ELP2: variants seen among roughly 807,000 people sequenced by gnomAD.
ELP2 encodes elongator acetyltransferase complex subunit 2, also known as elongator complex protein 2.
In ELP2, 90 loss-of-function variants were observed where a neutral mutation model predicts 119.2. The observed-to-expected ratio is 0.75, with a 90% CI of 0.64 to 0.90. The LOEUF is 0.90. Ranked by LOEUF, ELP2 falls within the 40% of genes least tolerant of loss-of-function variation. The pLI, the probability that ELP2 is intolerant of heterozygous loss-of-function variation, is 0.00. For missense variants in ELP2, 921 were observed against 967.8 expected, an observed-to-expected ratio of 0.95 and a Z score of 0.64; for synonymous variants, 339 against 331.0, an observed-to-expected ratio of 1.02 and a Z score of -0.26.
At chr18:36,164,930 TA>T (rs1055739141) in intron 18 of ELP2, 1 of 463,070 alleles carries the variant, frequency 2.2e-6, no homozygotes, top group African/African-American at 2.0e-5. Context: ...TCAAGAAACA[TA>T]AACATCTGTA....
At chr18:36,173,072 T>A (rs2144837181) in intron 21 of ELP2, among the ~76,000 whole-genome samples, 1 of 152,248 alleles carries the variant, frequency 6.6e-6, no homozygotes, top group East Asian at 1.9e-4. Context: ...TAAAGGACAT[T>A]ACCAAAAAAA....
In ELP2 at chr18:36,154,964, C is replaced by T. The variant is rs368853783; in HGVS notation, c.1240C>T (p.Leu414Phe). ...ITVGTDQTTRLFAPWKRKDQS... is the reference protein window; with the variant it reads ...ITVGTDQTTRFFAPWKRKDQS... ...TGTTGGTACTGATCAGACAACTAGA[C>T]TTTTTGCTCCATGGAAGAGAAAAGA... The change falls in exon 12 of 22, where the codon CTT becomes TTT. Residue 414 changes from leucine to phenylalanine, a missense_variant. Coordinates refer to ENST00000358232, the MANE Select transcript of ELP2 (RefSeq NM_018255.4). 1 of 1,613,956 alleles carries T rather than the reference C, an allele frequency of 6.2e-7. No individual in the cohort carries two copies.
At position 36,175,519 on chromosome 18, in the gene ELP2, C is replaced by T. The variant is rs1254759957; in HGVS notation, c.*878C>T. The T allele has an allele frequency of 1.3e-5, 2 of 152,128 alleles. No individual in the cohort carries two copies. The highest frequency in any genetic ancestry group is 4.8e-5 in the African/African-American group (2 of 41,420). The allele number at this position is 152,128 out of a possible 1,614,324, so 9.4% of individuals were successfully genotyped here. A position where few individuals can be genotyped will look rare whatever the true frequency, so the allele number is the denominator to read the frequency against. On this transcript the variant is annotated 3_prime_UTR_variant, in exon 22 of 22. Transcript: ENST00000358232. ...AGGGCTTTACTGAAAGTAAAATATC[C>T]TGACATTTAAACTGACAGATGTAGG...
intron 18 of ELP2, 57 bp downstream of exon 18, chr18:36,164,724 T>G (rs1436282781): frequency 1.3e-6 from 2 of 1,513,080 alleles, no homozygotes; most frequent in East Asian, 4.6e-5. Context: ...TCATTTTATC[T>G]ACATTAAGCA....
intron 21 of ELP2, 66 bp downstream of exon 21, chr18:36,171,226 T>C: frequency 9.3e-7 from 1 of 1,076,666 alleles, no homozygotes; most frequent in Admixed American, 1.8e-5. Context: ...CATGGCAAAT[T>C]TTATGCCACA....
In ELP2 at chr18:36,129,991, G is replaced by T. The variant is rs1459931442; in HGVS notation, c.58G>T (p.Gly20Ter). The stretch of plus-strand genomic sequence containing the variant: ...GTTTTGCTGCCCAAACCGGGTGCGG[G>T]GAGTCCTGAACTGGAGCTCTGGGCC... Reference protein sequence around the residue: ...HVFCCPNRVRGVLNWSSGPRG... With the variant: ...HVFCCPNRVR The change falls in exon 1 of 22, where the codon GGA becomes TGA. Residue 20 changes from glycine (G) to a stop codon, truncating the protein, a stop_gained. Transcript: ENST00000358232. LOFTEE classifies it high-confidence loss of function. 2 of 1,614,092 alleles carry T rather than the reference G, an allele frequency of 1.2e-6. No individual in the cohort carries two copies. Among genetic ancestry groups the T allele is most frequent in the African/African-American group, 1.3e-5 (1 of 74,928 alleles).
In ELP2 at chr18:36,166,328, T is replaced by TG. The variant is rs1568022343; in HGVS notation, c.1955-773_1955-772insG. The stretch of plus-strand genomic sequence containing the variant: ...GTTTTTGTTTTTTAGGGTTTTTTTT[T>TG]TTTTTTTTTTTTTTTTTTTCAGACG... On this transcript the variant is annotated intron_variant, in intron 18 of 21. Coordinates refer to ENST00000358232, the MANE Select transcript of ELP2 (RefSeq NM_018255.4). Among the ~76,000 whole-genome samples, 243 of 111,018 alleles carry TG rather than the reference T, an allele frequency of 2.2e-3. 11 individuals are homozygous for TG. Among genetic ancestry groups the TG allele is most frequent in the South Asian group, 8.7e-3 (25 of 2,890 alleles). The allele number at this position is 111,018 out of a possible 152,430, so 72.8% of individuals were successfully genotyped here.
Position 36,152,924 on chromosome 18 carries a change from T to C in ELP2, c.1126-1926T>C, listed in dbSNP as rs192812304. ...TTAGCACTACACCCTTTGGTTTCAG[T>C]AGTTACTTGGTTTTGCCCTTCCCCC... On this transcript the variant is annotated intron_variant, in intron 11 of 21. Transcript: ENST00000358232. Among the ~76,000 whole-genome samples the C allele has an allele frequency of 6.6e-5, 10 of 152,358 alleles. No individual in the cohort carries two copies. The East Asian group carries it at 1.9e-3, about 29-fold the overall frequency.
intron 11 of ELP2, among the ~76,000 whole-genome samples, chr18:36,152,087 A>G (rs2090422824): frequency 6.6e-6 from 1 of 151,314 alleles, no homozygotes; most frequent in Non-Finnish European, 1.5e-5. Context: ...CCAGCTACTC[A>G]GAGGCTGAGG....
At chr18:36,169,909 TCTCAAGTCCTGGC>T in intron 19 of ELP2, 141 bp from the exon 20 acceptor site, 1 of 977,122 alleles carries the variant, frequency 1.0e-6, no homozygotes, top group South Asian at 1.4e-5. Context: ...CTTGAAATGC[TCTCAAGTCCTGGC>T]ACACCATACA....
At chr18:36,156,411 C>A in intron 12 of ELP2, 55 bp from the exon 13 acceptor site, 2 of 1,510,172 alleles carry the variant, frequency 1.3e-6, no homozygotes, top group Non-Finnish European at 1.8e-6. Flanking sequence ...TAATAATTTG[C>A]TTATTGAAAA....
intron 19 of ELP2, among the ~76,000 whole-genome samples, chr18:36,168,502 C>T (rs1452443139): frequency 6.6e-6 from 1 of 152,162 alleles, no homozygotes; most frequent in Admixed American, 6.5e-5. Flanking sequence ...ACAAACACAT[C>T]CTTCTTCACG....
In ELP2 at chr18:36,176,300, C is replaced by G. The variant is rs1396643589; in HGVS notation, c.*1659C>G. The G allele has an allele frequency of 6.6e-6, 1 of 152,058 alleles. No homozygotes were observed. Among genetic ancestry groups the G allele is most frequent in the Non-Finnish European group, 1.5e-5 (1 of 68,036 alleles). 9.4% of individuals were successfully genotyped at this position (152,058 alleles called of 1,614,324 possible). On this transcript the variant is annotated 3_prime_UTR_variant, in exon 22 of 22. Coordinates refer to ENST00000358232, the MANE Select transcript of ELP2 (RefSeq NM_018255.4). ...TCAGCTGGGGGGTGGGGTGTGTGTG[C>G]GTGTATACCAAGGCAGTGAGCATCT...
intron 6 of ELP2, among the ~76,000 whole-genome samples, chr18:36,142,008 TTA>T (rs2090047570): frequency 6.6e-6 from 1 of 152,276 alleles, no homozygotes; most frequent in South Asian, 2.1e-4. Flanking sequence ...TTTTTCTATA[TTA>T]TATGTATAGT....
intron 12 of ELP2, among the ~76,000 whole-genome samples, chr18:36,155,337 A>G (rs2090540409): frequency 7.0e-6 from 1 of 142,948 alleles, no homozygotes; most frequent in South Asian, 2.2e-4. Context: ...TTATTTTACT[A>G]ATGTGTTTAA....
chr18:36,140,498 C>T (rs2089982678), intron 5 of ELP2, among the ~76,000 whole-genome samples: 1 of 152,098 alleles, frequency 6.6e-6, no homozygotes, highest in Non-Finnish European at 1.5e-5. Context: ...AGGCATATGC[C>T]ACCACGCCCA....
In ELP2 at chr18:36,174,746, T is replaced by A. The variant is rs1443241358; in HGVS notation, c.*105T>A. The A allele has an allele frequency of 2.5e-6, 3 of 1,218,882 alleles. No homozygotes were observed. The highest frequency in any genetic ancestry group is 3.5e-6 in the Non-Finnish European group (3 of 862,664). The allele number at this position is 1,218,882 out of a possible 1,614,324, so 75.5% of individuals were successfully genotyped here. Reference sequence around the variant, plus strand: ...CTGAATTGAGTTTCTGGGTTTTTTTTTTTTTTGAGATGGAGTCTTGCTTTG... The same window carrying A: ...CTGAATTGAGTTTCTGGGTTTTTTTATTTTTTGAGATGGAGTCTTGCTTTG... On this transcript the variant is annotated 3_prime_UTR_variant, in exon 22 of 22. Coordinates refer to ENST00000358232, the MANE Select transcript of ELP2 (RefSeq NM_018255.4).
intron 13 of ELP2, 135 bp from the exon 14 acceptor site, chr18:36,158,700 T>A (rs1023382592): frequency 3.1e-6 from 2 of 636,746 alleles, no homozygotes; most frequent in Middle Eastern, 4.4e-4. Context: ...CCACACAAGA[T>A]GGTCTTTAAA....
rs1355390921 is a variant in ELP2, at chr18:36,174,985, G to A, written c.*344G>A. On this transcript the variant is annotated 3_prime_UTR_variant, in exon 22 of 22. Coordinates refer to ENST00000358232, the MANE Select transcript of ELP2 (RefSeq NM_018255.4). The stretch of plus-strand genomic sequence containing the variant: ...TGGGATTACAGGCGTGAGCCACTGC[G>A]CCCAGCCTGAGTTTCATTTTTTAAG... 1.7e-5 allele frequency: 5 copies of A among 291,368 alleles called. No homozygotes were observed. The highest frequency in any genetic ancestry group is 7.3e-5 in the South Asian group (2 of 27,452). 18.0% of individuals were successfully genotyped at this position (291,368 alleles called of 1,614,324 possible). A position where few individuals can be genotyped will look rare whatever the true frequency, so the allele number is the denominator to read the frequency against.
Sources: allele counts gnomAD v4.1 joint callset (sites outside exome capture counted in the v4.1 genomes callset), GRCh38; gene constraint gnomAD v4.1.1; transcripts MANE v1.5; gene names NCBI Gene and HGNC (gene_info 2026-07-23, HGNC 2026-07-21).